CAPSL: variants seen among roughly 807,000 people sequenced by gnomAD.
CAPSL encodes calcyphosine like.
CAPSL carries 17 observed loss-of-function variants against 21.3 expected under a neutral mutation model. The ratio of observed to expected loss-of-function variants is 0.80; its 90% CI spans 0.55 to 1.20. The LOEUF is 1.20. CAPSL is among the 50% of genes most tolerant of loss of function. The pLI, the probability that CAPSL is intolerant of heterozygous loss-of-function variation, is 0.00. For synonymous variants in CAPSL, 102 were observed against 89.3 expected (o/e 1.14, Z -0.80); for missense variants, 289 against 259.3 (o/e 1.11, Z -0.79).
chr5:35,916,484 C>A (rs1158357962), intron 2 of CAPSL, among the ~76,000 whole-genome samples: 2 of 152,098 alleles, frequency 1.3e-5, no homozygotes, highest in Non-Finnish European at 2.9e-5. Context: ...CTACAGTAAC[C>A]AAAACAGCAT....
intron 2 of CAPSL, among the ~76,000 whole-genome samples, chr5:35,912,712 G>A (rs1738264683): frequency 6.6e-6 from 1 of 152,208 alleles, no homozygotes; most frequent in Non-Finnish European, 1.5e-5. Context: ...TCATCTGTAT[G>A]TCACCATCAT....
At chr5:35,928,592 G>A (rs1460966272) in intron 1 of CAPSL, among the ~76,000 whole-genome samples, 1 of 152,184 alleles carries the variant, frequency 6.6e-6, no homozygotes, top group African/African-American at 2.4e-5. Context: ...TAATTATAGA[G>A]AAGTGCTTCT....
At chr5:35,912,282 G>T (rs1580881997) in intron 2 of CAPSL, among the ~76,000 whole-genome samples, 1 of 152,180 alleles carries the variant, frequency 6.6e-6, no homozygotes, top group Non-Finnish European at 1.5e-5. Context: ...CCACCTCTGG[G>T]GGCAGGGCAT....
chr5:35,908,642 G>A (rs982894247), intron 4 of CAPSL, among the ~76,000 whole-genome samples: 1 of 152,174 alleles, frequency 6.6e-6, no homozygotes, highest in African/African-American at 2.4e-5. Context: ...CAGTGATCAA[G>A]GCCAGCAATA....
intron 1 of CAPSL, among the ~76,000 whole-genome samples, chr5:35,927,138 AC>A (rs943476932): frequency 2.0e-5 from 3 of 152,158 alleles, no homozygotes; most frequent in Non-Finnish European, 4.4e-5. Flanking sequence ...TTTTGCCTGG[AC>A]AGTCTTCCTT....
chr5:35,910,816 T>C (rs748898215), intron 2 of CAPSL, among the ~76,000 whole-genome samples: 2 of 152,188 alleles, frequency 1.3e-5, no homozygotes, highest in Non-Finnish European at 2.9e-5. Flanking sequence ...AAGAGTTGAA[T>C]TGGTGAAACA....
At chr5:35,923,966 C>T (rs1738602923) in intron 1 of CAPSL, among the ~76,000 whole-genome samples, 1 of 152,010 alleles carries the variant, frequency 6.6e-6, no homozygotes, top group African/African-American at 2.4e-5. Flanking sequence ...ATTATACATA[C>T]TTCAAAACAT....
intron 1 of CAPSL, among the ~76,000 whole-genome samples, chr5:35,921,800 A>C (rs923479312): frequency 6.6e-6 from 1 of 151,948 alleles, no homozygotes; most frequent in African/African-American, 2.4e-5. Context: ...CTGACTCTTC[A>C]ATCCCCACCC....
At chr5:35,935,973 C>T (rs1738936220) in intron 1 of CAPSL, among the ~76,000 whole-genome samples, 1 of 152,190 alleles carries the variant, frequency 6.6e-6, no homozygotes, top group African/African-American at 2.4e-5. Context: ...CCAGCATGGA[C>T]AGGTGTCACT....
rs540577579 is a variant in CAPSL, at chr5:35,929,356, C to G, written c.1-8236G>C. On this transcript the variant is annotated intron_variant, in intron 1 of 4. Transcript: ENST00000651391. ...CTGGAGTACAGTGGTGCGTTCTCAGCTCACTGCAACCTTGCAATCTCCGCC... is the reference window on the plus strand; with the variant it reads ...CTGGAGTACAGTGGTGCGTTCTCAGGTCACTGCAACCTTGCAATCTCCGCC... Among the ~76,000 whole-genome samples the G allele has an allele frequency of 8.1e-5, 12 of 148,370 alleles. No homozygotes were observed. In the East Asian group the frequency reaches 2.2e-3, roughly 28 times the overall value.
rs769977770 is a variant in CAPSL, at chr5:35,909,893, A to G, written c.498T>C (p.Phe166=). The change falls in exon 4 of 5, where the codon TTT becomes TTC. Residue 166 remains phenylalanine (F), a synonymous_variant. Transcript: ENST00000651391. ...ATCCATCTTTGTCATAGGGTGAATC[A>G]AAGTTATCCAGAAATTTCCTAAATA... ...EQVFRKFLDN[F]DSPYDKDGLV... 1 of 1,613,300 alleles carries G rather than the reference A, an allele frequency of 6.2e-7. No homozygotes were observed. The highest frequency in any genetic ancestry group is 8.5e-7 in the Non-Finnish European group (1 of 1,179,796).
chr5:35,928,557 G>A (rs542324255), intron 1 of CAPSL, among the ~76,000 whole-genome samples: 1 of 152,220 alleles, frequency 6.6e-6, no homozygotes, highest in South Asian at 2.1e-4. Flanking sequence ...AGCTATGCAA[G>A]GCACTGTGCT....
chr5:35,935,276 G>C (rs1406385885), intron 1 of CAPSL, among the ~76,000 whole-genome samples: 1 of 151,688 alleles, frequency 6.6e-6, no homozygotes, highest in African/African-American at 2.4e-5. Context: ...AACTCCATCT[G>C]TTTGTTGTCT....
rs748914600 is a variant in CAPSL at position 35,904,578 on chromosome 5, G to A, written c.594C>T (p.Phe198=). The change falls in exon 5 of 5, where the codon TTC becomes TTT. Residue 198 remains phenylalanine (F), a synonymous_variant. Transcript: ENST00000651391. ...VSASIDTDVY[F]IIMMRTAWKL is the part of the protein sequence containing the mutation. Reference sequence around the variant, plus strand: ...TCCAGGCGGTTCTCATCATGATGATGAAGTACACATCAGTGTCAATGGATG... The same window carrying A: ...TCCAGGCGGTTCTCATCATGATGATAAAGTACACATCAGTGTCAATGGATG... 35 of 1,613,710 alleles carry A rather than the reference G, an allele frequency of 2.2e-5. No individual in the cohort carries two copies. Among genetic ancestry groups the A allele is most frequent in the Non-Finnish European group, 2.9e-5 (34 of 1,179,930 alleles).
At chr5:35,904,698 A>C in intron 4 of CAPSL, 52 bp from the exon 5 acceptor site, 1 of 1,607,560 alleles carries the variant, frequency 6.2e-7, no homozygotes, top group Non-Finnish European at 8.5e-7. Context: ...TCACTCTGTC[A>C]ATGGGCGCCC....
At chr5:35,929,675 G>T (rs1379033902) in intron 1 of CAPSL, among the ~76,000 whole-genome samples, 1 of 152,164 alleles carries the variant, frequency 6.6e-6, no homozygotes, top group African/African-American at 2.4e-5. Flanking sequence ...CTCAGAGAAG[G>T]TCCATGAAGT....
chr5:35,926,403 T>C (rs985033043), intron 1 of CAPSL, among the ~76,000 whole-genome samples: 2 of 152,108 alleles, frequency 1.3e-5, no homozygotes, highest in Non-Finnish European at 2.9e-5. Flanking sequence ...ACGGTAGCAA[T>C]GGTCCCATTA....
intron 2 of CAPSL, among the ~76,000 whole-genome samples, chr5:35,917,832 G>A (rs7702828): frequency 0.27 from 40,459 of 151,914 alleles, 5,661 homozygotes; most frequent in African/African-American, 0.34. Flanking sequence ...AAACCTGCGC[G>A]TTGTGCACGT....
intron 2 of CAPSL, among the ~76,000 whole-genome samples, chr5:35,918,798 G>A (rs898695796): frequency 6.6e-6 from 1 of 152,076 alleles, no homozygotes; most frequent in Non-Finnish European, 1.5e-5. Context: ...GCAATAATGG[G>A]TTGAATGAAT....
Sources: allele counts gnomAD v4.1 joint callset (sites outside exome capture counted in the v4.1 genomes callset), GRCh38; gene constraint gnomAD v4.1.1; transcripts MANE v1.5; gene names NCBI Gene and HGNC (gene_info 2026-07-23, HGNC 2026-07-21).